The following EYS variants were observed in gnomAD, a reference collection of about 807,000 sequenced individuals.
EYS encodes the protein protein eyes shut homolog.
A neutral mutation model predicts 282.1 loss-of-function variants in EYS; 250 were observed. The observed-to-expected ratio is 0.89, with a 90% CI of 0.80 to 0.98. The LOEUF is 0.98. Among genes scored for constraint, EYS ranks in the 50% least tolerant of loss-of-function variants. EYS has a pLI of 0.00. For missense variants in EYS, 4,016 were observed against 3,709.0 expected (o/e 1.08, Z -2.15); for synonymous variants, 1,355 against 1,282.9 (o/e 1.06, Z -1.20).
chr6:64,721,147 G>A (rs1044461955), intron 22 of EYS, among the ~76,000 whole-genome samples: 4 of 152,106 alleles, frequency 2.6e-5, no homozygotes, highest in Admixed American at 6.6e-5. Context: ...GAACAACAAA[G>A]GCTAACACAA....
rs144399940 is a variant in EYS at position 65,512,517 on chromosome 6, C to T, written c.-332-16524G>A. On this transcript the variant is annotated intron_variant, in intron 2 of 42. Coordinates refer to ENST00000503581, the MANE Select transcript of EYS (RefSeq NM_001142800.2). ...CAAAAAAAAAAAAAAAAAAAAATTACATTGTAAAGTAATTTTAATTATAAA... is the reference window on the plus strand; with the variant it reads ...CAAAAAAAAAAAAAAAAAAAAATTATATTGTAAAGTAATTTTAATTATAAA... Among the ~76,000 whole-genome samples the T allele has an allele frequency of 9.8e-4, 144 of 146,262 alleles. 5 individuals are homozygous for T. The East Asian group carries it at 0.026, about 27-fold the overall frequency.
chr6:65,312,540 C>T (rs1423972387), intron 11 of EYS, among the ~76,000 whole-genome samples: 1 of 152,214 alleles, frequency 6.6e-6, no homozygotes, highest in African/African-American at 2.4e-5. Flanking sequence ...TCTATCCCCT[C>T]ATCCCCCACC....
chr6:65,362,181 T>C (rs1257131129), intron 8 of EYS, among the ~76,000 whole-genome samples: 1 of 152,152 alleles, frequency 6.6e-6, no homozygotes, highest in African/African-American at 2.4e-5. Context: ...ATCACTATTA[T>C]TCAAGATCAC....
intron 18 of EYS, among the ~76,000 whole-genome samples, chr6:64,894,754 G>C (rs1046761171): frequency 1.3e-5 from 2 of 152,090 alleles, no homozygotes; most frequent in African/African-American, 4.8e-5. Flanking sequence ...CATTTTAGGA[G>C]TTGCTGAATA....
chr6:65,306,823 A>G (rs1284673588), intron 11 of EYS, among the ~76,000 whole-genome samples: 1 of 111,478 alleles, frequency 9.0e-6, no homozygotes, highest in African/African-American at 4.0e-5. Context: ...GCAGAGCAAG[A>G]GTCCGTCTCA....
At chr6:64,141,016 A>G (rs929341002) in intron 31 of EYS, among the ~76,000 whole-genome samples, 4 of 152,202 alleles carry the variant, frequency 2.6e-5, no homozygotes, top group Non-Finnish European at 5.9e-5. Context: ...TACTTTTACC[A>G]TGTATCACTA....
intron 19 of EYS, among the ~76,000 whole-genome samples, chr6:64,835,883 G>T (rs1765367611): frequency 6.6e-6 from 1 of 151,528 alleles, no homozygotes; most frequent in African/African-American, 2.4e-5. Flanking sequence ...GTTCAGTTGT[G>T]AATCAGTAAG....
intron 22 of EYS, among the ~76,000 whole-genome samples, chr6:64,665,282 A>C (rs192225502): frequency 6.6e-6 from 1 of 152,374 alleles, no homozygotes; most frequent in African/African-American, 2.4e-5. Context: ...AATTGTGAAA[A>C]AAATGCAAGA....
At chr6:64,189,661 G>T (rs185531301) in intron 31 of EYS, among the ~76,000 whole-genome samples, 1 of 152,160 alleles carries the variant, frequency 6.6e-6, no homozygotes, top group East Asian at 1.9e-4. Flanking sequence ...CATTCAATAA[G>T]TCAAAGGCCT....
intron 26 of EYS, among the ~76,000 whole-genome samples, chr6:64,475,628 C>CATATCAGG (rs376026214): frequency 0.021 from 3,188 of 151,518 alleles, 60 homozygotes; most frequent in African/African-American, 0.052. Context: ...GAAAACACTT[C>CATATCAGG]ATATCAGGTA....
chr6:64,804,479 G>T lies in EYS; in HGVS notation c.3443+8899C>A, dbSNP rs139938764. 3.2e-4 allele frequency among the ~76,000 whole-genome samples: 48 copies of T among 152,194 alleles called. 1 individual carries two copies. The East Asian group carries it at 9.1e-3, about 29-fold the overall frequency. On this transcript the variant is annotated intron_variant, in intron 22 of 42. Coordinates refer to ENST00000503581, the MANE Select transcript of EYS (RefSeq NM_001142800.2). ...AACTCATTAACCATCTGGTAATTAT[G>T]CCAAACAAACTATCATAAATCCATA...
intron 35 of EYS, among the ~76,000 whole-genome samples, chr6:63,972,699 C>T (rs895481431): frequency 6.6e-6 from 1 of 152,082 alleles, no homozygotes; most frequent in African/African-American, 2.4e-5. Flanking sequence ...TAGCCCCCAA[C>T]CCCCTGACAG....
At chr6:63,897,495 C>T (rs537660881) in intron 35 of EYS, among the ~76,000 whole-genome samples, 1 of 152,122 alleles carries the variant, frequency 6.6e-6, no homozygotes, top group African/African-American at 2.4e-5. Context: ...TGCATCCACA[C>T]GTAAGGAATG....
intron 12 of EYS, among the ~76,000 whole-genome samples, chr6:65,075,990 C>T (rs1774039708): frequency 6.6e-6 from 1 of 151,846 alleles, no homozygotes; most frequent in East Asian, 1.9e-4. Context: ...AGCATTAAAA[C>T]AGTAAATCAA....
intron 12 of EYS, among the ~76,000 whole-genome samples, chr6:65,236,825 C>T (rs1291223359): frequency 6.6e-6 from 1 of 152,084 alleles, no homozygotes; most frequent in Non-Finnish European, 1.5e-5. Context: ...CAACTTAGGA[C>T]CACTTTTCAT....
chr6:64,302,822 C>T (rs1769283158), intron 30 of EYS, among the ~76,000 whole-genome samples: 1 of 152,142 alleles, frequency 6.6e-6, no homozygotes, highest in African/African-American at 2.4e-5. Flanking sequence ...ATAAAACCTG[C>T]ACTTTTATGG....
intron 4 of EYS, among the ~76,000 whole-genome samples, chr6:65,493,567 A>G (rs1766126950): frequency 6.6e-6 from 1 of 152,056 alleles, no homozygotes; most frequent in South Asian, 2.1e-4. Flanking sequence ...ACATTTTTTC[A>G]GTCTTTCTCC....
chr6:64,504,294 A>T (rs1460529297), intron 26 of EYS, among the ~76,000 whole-genome samples: 1 of 152,172 alleles, frequency 6.6e-6, no homozygotes, highest in Non-Finnish European at 1.5e-5. Flanking sequence ...GAGGACTTTT[A>T]TAAAATTAGG....
chr6:64,166,108 C>T (rs115470625), intron 31 of EYS, among the ~76,000 whole-genome samples: 4,602 of 152,214 alleles, frequency 0.03, 228 homozygotes, highest in African/African-American at 0.1. Context: ...TCATTTATTT[C>T]AATTGCTTCT....
Sources: allele counts gnomAD v4.1 joint callset (sites outside exome capture counted in the v4.1 genomes callset), GRCh38; gene constraint gnomAD v4.1.1; transcripts MANE v1.5; gene names NCBI Gene and HGNC (gene_info 2026-07-23, HGNC 2026-07-21).